The following SPTLC3 variants were observed in gnomAD, a reference collection of about 807,000 sequenced individuals.
SPTLC3 encodes serine palmitoyltransferase 3.
In SPTLC3, 36 loss-of-function variants were observed where a neutral mutation model predicts 59.3. The ratio of observed to expected loss-of-function variants is 0.61; its 90% confidence interval spans 0.47 to 0.80. The LOEUF is 0.80. Among genes scored for constraint, SPTLC3 ranks in the 30% least tolerant of loss-of-function variants. The pLI is 0.00. For missense variants in SPTLC3, 625 were observed against 685.1 expected, an observed-to-expected ratio of 0.91 and a Z score of 0.98; for synonymous variants, 257 against 240.8, an observed-to-expected ratio of 1.07 and a Z score of -0.62.
chr20:13,032,582 A>C (rs996995854), intron 1 of SPTLC3, among the ~76,000 whole-genome samples: 2 of 152,084 alleles, frequency 1.3e-5, no homozygotes, highest in Non-Finnish European at 1.5e-5. Context: ...ATGGGTGCCC[A>C]CACTGGTCCT....
In SPTLC3 at chr20:13,093,545, C is replaced by T; in HGVS notation, c.794C>T (p.Ser265Leu). 6.2e-7 allele frequency: 1 copy of T among 1,613,524 alleles called. No homozygotes were observed. The highest frequency in any genetic ancestry group is 8.5e-7 in the Non-Finnish European group (1 of 1,179,548). ...HTSLVLGARL[S>L]GATIRIFKHN... ...TCGCTTGTGCTTGGGGCCCGACTCTCAGGTGCAACCATAAGAATCTTCAAA... is the reference window on the plus strand; with the variant it reads ...TCGCTTGTGCTTGGGGCCCGACTCTTAGGTGCAACCATAAGAATCTTCAAA... The change falls in exon 6 of 12, where the codon TCA becomes TTA. Residue 265 changes from serine to leucine, a missense_variant. Physicochemically the swap from Ser to Leu is moderately radical, Grantham distance 145. Coordinates refer to ENST00000399002, the MANE Select transcript of SPTLC3 (RefSeq NM_018327.4).
intron 9 of SPTLC3, among the ~76,000 whole-genome samples, chr20:13,135,375 C>T (rs1380734612): frequency 6.6e-6 from 1 of 152,186 alleles, no homozygotes; most frequent in Non-Finnish European, 1.5e-5. Context: ...CAGTCACCCT[C>T]CATTTGACTG....
intron 1 of SPTLC3, among the ~76,000 whole-genome samples, chr20:13,023,995 G>A (rs556117497): frequency 2.6e-5 from 4 of 152,056 alleles, no homozygotes; most frequent in African/African-American, 7.2e-5. Context: ...AAGTAAATGC[G>A]ATCTGTTTTC....
At chr20:13,157,437 C>CA (rs914543894) in intron 10 of SPTLC3, among the ~76,000 whole-genome samples, 16 of 148,904 alleles carry the variant, frequency 1.1e-4, no homozygotes, top group East Asian at 9.8e-4. Context: ...AACTCCATGT[C>CA]AAAAAAAAAA....
intron 1 of SPTLC3, among the ~76,000 whole-genome samples, chr20:13,026,880 A>G (rs1054984383): frequency 6.6e-6 from 1 of 152,180 alleles, no homozygotes; most frequent in Non-Finnish European, 1.5e-5. Flanking sequence ...CCTAGTGGGC[A>G]TCAGGCCAAA....
chr20:13,144,258 A>G (rs892959230), intron 9 of SPTLC3, among the ~76,000 whole-genome samples: 1 of 152,130 alleles, frequency 6.6e-6, no homozygotes, highest in African/African-American at 2.4e-5. Flanking sequence ...TTGATTTTCT[A>G]TCTTGTTGTG....
intron 2 of SPTLC3, among the ~76,000 whole-genome samples, chr20:13,056,121 T>C (rs1195502877): frequency 6.6e-6 from 1 of 152,196 alleles, no homozygotes; most frequent in African/African-American, 2.4e-5. Flanking sequence ...AATGGCAGCC[T>C]GCACTTCAAC....
chr20:13,065,372 T>TGC (rs1568585429), intron 2 of SPTLC3, among the ~76,000 whole-genome samples: 4 of 150,346 alleles, frequency 2.7e-5, no homozygotes, highest in Admixed American at 6.6e-5. Flanking sequence ...GCTTTTTACC[T>TGC]TATATTCTAG....
At chr20:13,054,554 G>A (rs374238966) in intron 2 of SPTLC3, among the ~76,000 whole-genome samples, 155 of 152,324 alleles carry the variant, frequency 1.0e-3, no homozygotes, top group African/African-American at 3.6e-3. Context: ...TAGAGTTAGA[G>A]ATGGTTGATT....
intron 8 of SPTLC3, among the ~76,000 whole-genome samples, chr20:13,119,043 A>G (rs572993882): frequency 1.3e-5 from 2 of 152,340 alleles, no homozygotes; most frequent in Admixed American, 1.3e-4. Flanking sequence ...GGATCTTACA[A>G]AATTCAGCTA....
chr20:13,073,792 C>A, intron 3 of SPTLC3: 1 of 600,706 alleles, frequency 1.7e-6, no homozygotes, highest in Non-Finnish European at 3.3e-6. Context: ...TGCACTGGTC[C>A]TGGAGCTGTG....
chr20:13,081,379 C>A (rs1330304730), intron 4 of SPTLC3, among the ~76,000 whole-genome samples: 1 of 152,178 alleles, frequency 6.6e-6, no homozygotes, highest in Non-Finnish European at 1.5e-5. Flanking sequence ...ATCTTCCTAA[C>A]AAATTATCTG....
intron 2 of SPTLC3, among the ~76,000 whole-genome samples, chr20:13,062,685 G>A (rs542477364): frequency 1.3e-5 from 2 of 152,128 alleles, no homozygotes; most frequent in East Asian, 1.9e-4. Context: ...TACACTTAAC[G>A]TTCGTGTGTA....
intron 7 of SPTLC3, among the ~76,000 whole-genome samples, chr20:13,113,505 C>T (rs754449619): frequency 6.6e-6 from 1 of 151,990 alleles, no homozygotes; most frequent in Non-Finnish European, 1.5e-5. Context: ...GGCTAGATAC[C>T]CAGTCTGAGA....
intron 6 of SPTLC3, among the ~76,000 whole-genome samples, chr20:13,096,072 C>T (rs897637156): frequency 3.9e-5 from 6 of 152,046 alleles, no homozygotes; most frequent in African/African-American, 4.8e-5. Context: ...GCTTTGGCTA[C>T]GGTGCTTTCT....
At chr20:13,160,182 A>C in intron 11 of SPTLC3, 50 bp downstream of exon 11, 1 of 1,549,632 alleles carries the variant, frequency 6.5e-7, no homozygotes, top group Non-Finnish European at 8.8e-7. Context: ...CCTTGGATTC[A>C]AAGCAAGTCC....
At chr20:13,041,286 G>A (rs1986970025) in intron 1 of SPTLC3, among the ~76,000 whole-genome samples, 3 of 151,402 alleles carry the variant, frequency 2.0e-5, no homozygotes, top group Admixed American at 1.3e-4. Flanking sequence ...TTTTTCCTCT[G>A]GTTTTTTTGT....
chr20:13,082,052 A>T (rs1466051980), intron 4 of SPTLC3, among the ~76,000 whole-genome samples: 1 of 152,226 alleles, frequency 6.6e-6, no homozygotes, highest in Non-Finnish European at 1.5e-5. Context: ...CTGCAAGTGT[A>T]GAATTTAGTC....
At chr20:13,152,678 G>A (rs1289455354) in intron 9 of SPTLC3, among the ~76,000 whole-genome samples, 3 of 152,136 alleles carry the variant, frequency 2.0e-5, no homozygotes, top group African/African-American at 7.2e-5. Context: ...CAATAATCAG[G>A]GGGATGAATT....
Sources: allele counts gnomAD v4.1 joint callset (sites outside exome capture counted in the v4.1 genomes callset), GRCh38; gene constraint gnomAD v4.1.1; transcripts MANE v1.5; gene names NCBI Gene and HGNC (gene_info 2026-07-23, HGNC 2026-07-21).